The following BCAR3 variants were observed in gnomAD, a reference collection of about 807,000 sequenced individuals.
The protein encoded by BCAR3 is breast cancer anti-estrogen resistance protein 3.
A neutral mutation model predicts 80.1 loss-of-function variants in BCAR3; 37 were observed. The observed-to-expected ratio is 0.46, with a 90% CI of 0.36 to 0.61. The LOEUF is 0.61. Ranked by LOEUF, BCAR3 falls within the 20% of genes least tolerant of loss-of-function variation. The pLI, the probability that BCAR3 is intolerant of heterozygous loss-of-function variation, is 0.00. For synonymous variants in BCAR3, 389 were observed against 418.9 expected (o/e 0.93, Z 0.87); for missense variants, 978 against 1,068.2 (o/e 0.92, Z 1.18).
chr1:93,675,492 G>A (rs1012309689), intron 1 of BCAR3, among the ~76,000 whole-genome samples: 13 of 152,164 alleles, frequency 8.5e-5, no homozygotes, highest in Non-Finnish European at 1.5e-5. Context: ...TAGTGAACAC[G>A]GGCTAGGGTC....
At chr1:93,612,314 T>C (rs750145468) in intron 3 of BCAR3, among the ~76,000 whole-genome samples, 1 of 151,534 alleles carries the variant, frequency 6.6e-6, no homozygotes, top group Non-Finnish European at 1.5e-5. Context: ...GAAAGAAGGG[T>C]GTTTCTACCA....
intron 2 of BCAR3, among the ~76,000 whole-genome samples, chr1:93,737,604 C>T (rs913554210): frequency 4.6e-5 from 7 of 152,128 alleles, no homozygotes; most frequent in African/African-American, 1.7e-4. Context: ...GGACTTTTGG[C>T]CTCCTGAACT....
At chr1:93,662,549 A>G (rs918596091) in intron 2 of BCAR3, among the ~76,000 whole-genome samples, 4 of 152,112 alleles carry the variant, frequency 2.6e-5, no homozygotes, top group African/African-American at 9.7e-5. Context: ...CTGTATGCCA[A>G]TATTATTGTC....
intron 2 of BCAR3, among the ~76,000 whole-genome samples, chr1:93,803,990 G>C (rs932601918): frequency 6.6e-6 from 1 of 152,146 alleles, no homozygotes; most frequent in Admixed American, 6.5e-5. Context: ...CATCTGATAG[G>C]CAAAGTGGCC....
chr1:93,562,877 A>G (rs1672759493), intron 11 of BCAR3, among the ~76,000 whole-genome samples: 1 of 152,048 alleles, frequency 6.6e-6, no homozygotes, highest in Admixed American at 6.6e-5. Flanking sequence ...AGAAAAATAT[A>G]GGATCTGTTC....
At chr1:93,655,811 A>C (rs186865789) in intron 2 of BCAR3, among the ~76,000 whole-genome samples, 1 of 152,314 alleles carries the variant, frequency 6.6e-6, no homozygotes, top group East Asian at 1.9e-4. Flanking sequence ...ATCTTTCCCA[A>C]AAAGTACAAT....
upstream of BCAR3, among the ~76,000 whole-genome samples, chr1:93,684,692 G>T (rs970134617): frequency 1.3e-5 from 2 of 152,094 alleles, no homozygotes; most frequent in African/African-American, 4.8e-5. Context: ...TGCATAGCTA[G>T]TGAGAAGCAG....
chr1:93,759,750 T>A (rs1651871490), intron 2 of BCAR3, among the ~76,000 whole-genome samples: 1 of 152,194 alleles, frequency 6.6e-6, no homozygotes, highest in African/African-American at 2.4e-5. Flanking sequence ...GATAGCCTGA[T>A]GAGCTGCCAT....
intron 2 of BCAR3, among the ~76,000 whole-genome samples, chr1:93,769,910 G>C (rs1375372122): frequency 6.6e-6 from 1 of 151,982 alleles, no homozygotes; most frequent in Non-Finnish European, 1.5e-5. Flanking sequence ...TACTTGATGA[G>C]GGTGTTGGGA....
chr1:93,632,623 C>G (rs1675662073), intron 3 of BCAR3, among the ~76,000 whole-genome samples: 1 of 152,154 alleles, frequency 6.6e-6, no homozygotes, highest in South Asian at 2.1e-4. Flanking sequence ...AATCTGTACT[C>G]AATCCCACCA....
chr1:93,668,342 C>T (rs957420525), intron 2 of BCAR3, among the ~76,000 whole-genome samples: 1 of 152,190 alleles, frequency 6.6e-6, no homozygotes, highest in Non-Finnish European at 1.5e-5. Flanking sequence ...AACCATCAGA[C>T]AGCTGGTAGA....
intron 3 of BCAR3, among the ~76,000 whole-genome samples, chr1:93,691,446 T>C (rs1189939983): frequency 6.6e-6 from 1 of 152,218 alleles, no homozygotes; most frequent in Non-Finnish European, 1.5e-5. Context: ...TACTGTCCCT[T>C]TCTCTCGGCT....
intron 3 of BCAR3, among the ~76,000 whole-genome samples, chr1:93,687,944 C>G (rs928757383): frequency 6.6e-5 from 10 of 152,232 alleles, no homozygotes; most frequent in African/African-American, 2.4e-4. Context: ...ACTTGAACAA[C>G]TGCAGAAAGA....
At chr1:93,660,097 C>T (rs116085229) in intron 2 of BCAR3, among the ~76,000 whole-genome samples, 170 of 151,850 alleles carry the variant, frequency 1.1e-3, no homozygotes, top group South Asian at 7.1e-3. Flanking sequence ...CTCTAATACG[C>T]GGAAGACCTA....
At chr1:93,602,294 C>G (rs1674648535) in intron 3 of BCAR3, 1 of 152,138 alleles carries the variant, frequency 6.6e-6, no homozygotes, top group African/African-American at 2.4e-5. Flanking sequence ...TTCCAATGAG[C>G]TCAGGGTGGG....
At chr1:93,563,769 C>T (rs1428633594) in intron 11 of BCAR3, among the ~76,000 whole-genome samples, 1 of 152,020 alleles carries the variant, frequency 6.6e-6, no homozygotes. Flanking sequence ...CCTGGCTCAC[C>T]ACAACCTCTA....
chr1:93,800,801 C>T (rs539022502), intron 2 of BCAR3, among the ~76,000 whole-genome samples: 2 of 152,008 alleles, frequency 1.3e-5, no homozygotes, highest in Admixed American at 6.6e-5. Flanking sequence ...TAAGATGTAT[C>T]GGTGTAGAAG....
intron 3 of BCAR3, among the ~76,000 whole-genome samples, chr1:93,621,164 A>G (rs1263948128): frequency 6.6e-6 from 1 of 152,248 alleles, no homozygotes; most frequent in Non-Finnish European, 1.5e-5. Flanking sequence ...TCTGTTGTCA[A>G]GCAAATTCTA....
At chr1:93,787,163 G>C (rs1652976764) in intron 2 of BCAR3, among the ~76,000 whole-genome samples, 2 of 152,210 alleles carry the variant, frequency 1.3e-5, no homozygotes, top group Non-Finnish European at 2.9e-5. Flanking sequence ...CTTGTCAGGG[G>C]AGGGAGCAGG....
Sources: allele counts gnomAD v4.1 joint callset (sites outside exome capture counted in the v4.1 genomes callset), GRCh38; gene constraint gnomAD v4.1.1; transcripts MANE v1.5; gene names NCBI Gene and HGNC (gene_info 2026-07-23, HGNC 2026-07-21).